Variants in PRKCZ observed in about 807,000 individuals in gnomAD.
PRKCZ encodes protein kinase C zeta type.
PRKCZ carries 33 observed loss-of-function variants against 79.5 expected under a neutral mutation model. The ratio of observed to expected loss-of-function variants is 0.41; its 90% CI spans 0.31 to 0.55. PRKCZ has a LOEUF of 0.55. PRKCZ is among the 20% of genes least tolerant of loss of function. The probability of loss-of-function intolerance (pLI) is 0.19; values close to 1 mark genes in which losing one functional copy is unlikely to be tolerated. For missense variants in PRKCZ, 578 were observed against 813.5 expected (o/e 0.71, Z 3.52); for synonymous variants, 342 against 320.9 (o/e 1.07, Z -0.70).
At chr1:2,057,478 A>G (rs1316308778) in intron 3 of PRKCZ, among the ~76,000 whole-genome samples, 2 of 152,214 alleles carry the variant, frequency 1.3e-5, no homozygotes, top group African/African-American at 4.8e-5. Context: ...GAAACCACCC[A>G]TGGATTTCTG....
At position 2,127,498 on chromosome 1, in the gene PRKCZ, G is replaced by A. The variant is rs969666530; in HGVS notation, c.335-7764G>A. On this transcript the variant is annotated intron_variant, in intron 4 of 17. Transcript: ENST00000378567. This position sits in a 1 kb window ranked among gnomAD's most constrained non-coding sequence, Gnocchi z 5.1. ...CCTGGCTGGGCCCGTCCCGCCCCACGTCCCGCCTCCCACTGCCCTCAGCCT... is the reference window on the plus strand; with the variant it reads ...CCTGGCTGGGCCCGTCCCGCCCCACATCCCGCCTCCCACTGCCCTCAGCCT... 6.7e-6 allele frequency among the ~76,000 whole-genome samples: 1 copy of A among 149,258 alleles called. No individual in the cohort carries two copies. The highest frequency in any genetic ancestry group is 2.5e-5 in the African/African-American group (1 of 40,752).
At chr1:2,079,876 G>T (rs1663159495) in intron 4 of PRKCZ, among the ~76,000 whole-genome samples, 1 of 152,188 alleles carries the variant, frequency 6.6e-6, no homozygotes, top group African/African-American at 2.4e-5. Context: ...GTCCCCAGGG[G>T]AGTGTCCTGC....
At chr1:2,150,767 G>A (rs1467080394) in intron 8 of PRKCZ, 23 bp from the exon 9 acceptor site, 1 of 1,602,280 alleles carries the variant, frequency 6.2e-7, no homozygotes. Context: ...CTCACTTTCT[G>A]GGGTCTTGTT....
chr1:2,161,230 C>T (rs146671057), intron 10 of PRKCZ, among the ~76,000 whole-genome samples: 11 of 152,358 alleles, frequency 7.2e-5, no homozygotes, highest in African/African-American at 2.2e-4. Context: ...GCTCACTTTT[C>T]ATCGGGGTTG....
intron 4 of PRKCZ, among the ~76,000 whole-genome samples, chr1:2,098,916 C>G (rs902357873): frequency 6.6e-6 from 1 of 152,156 alleles, no homozygotes; most frequent in African/African-American, 2.4e-5. Context: ...TTCCTGACCT[C>G]GTGATCCACC....
At chr1:2,121,240 T>G (rs1671821305) in intron 4 of PRKCZ, among the ~76,000 whole-genome samples, 1 of 152,216 alleles carries the variant, frequency 6.6e-6, no homozygotes, top group Admixed American at 6.5e-5. Flanking sequence ...CAGTCTTGTC[T>G]GAACAAGGCA....
chr1:2,122,742 C>T (rs1277020721), intron 4 of PRKCZ, among the ~76,000 whole-genome samples: 1 of 5,790 alleles, frequency 1.7e-4, no homozygotes, highest in Non-Finnish European at 2.4e-4. Context: ...TGGTTAGGGT[C>T]GTGGCGGTGG....
chr1:2,147,245 G>A (rs1036827902), intron 7 of PRKCZ, among the ~76,000 whole-genome samples: 41 of 140,350 alleles, frequency 2.9e-4, no homozygotes, highest in African/African-American at 1.0e-3. Context: ...GTCCACTGAC[G>A]TCTCCATCTA....
At chr1:2,139,218 A>G (rs1037782846) in intron 5 of PRKCZ, among the ~76,000 whole-genome samples, 2 of 152,210 alleles carry the variant, frequency 1.3e-5, no homozygotes, top group Non-Finnish European at 2.9e-5. Context: ...AATTGTTTAG[A>G]GATGAGGACA....
At chr1:2,150,311 GTATTTCTAATAAT>G (rs1679626055) in intron 8 of PRKCZ, among the ~76,000 whole-genome samples, 1 of 152,216 alleles carries the variant, frequency 6.6e-6, no homozygotes, top group Non-Finnish European at 1.5e-5. Context: ...TTTCTCCTGG[GTATTTCTAATAAT>G]TATTTCTAAT....
At chr1:2,057,938 G>C (rs1356974169) in intron 3 of PRKCZ, among the ~76,000 whole-genome samples, 1 of 151,846 alleles carries the variant, frequency 6.6e-6, no homozygotes, top group Non-Finnish European at 1.5e-5. Flanking sequence ...CGCGATCTCA[G>C]CTCAATGCAA....
Position 2,050,504 on chromosome 1 carries a change from C to T in PRKCZ, c.-127C>T, listed in dbSNP as rs1271984639. 3.5e-5 allele frequency: 17 copies of T among 479,354 alleles called. No individual in the cohort carries two copies. Among genetic ancestry groups the T allele is most frequent in the Non-Finnish European group, 4.9e-5 (16 of 325,146 alleles). The allele number at this position is 479,354 out of a possible 1,614,324, so 29.7% of individuals were successfully genotyped here. ...GCCGCCGGAGTTCCGCGGAGTTGAC[C>T]GGGTCGGCGCCGTCGGTCCTGAGCG... On this transcript the variant is annotated 5_prime_UTR_variant, in exon 1 of 18. Coordinates refer to ENST00000378567, the MANE Select transcript of PRKCZ (RefSeq NM_002744.6).
chr1:2,128,729 G>A lies in PRKCZ; in HGVS notation c.335-6533G>A, dbSNP rs372005084. ...CAGCTCTGACTCCAAAGCCTGACCC[G>A]TGTGGCTGCACCGTCCACTGTGCGC... is the stretch of plus-strand genomic sequence containing the variant. On this transcript the variant is annotated intron_variant, in intron 4 of 17. Coordinates refer to ENST00000378567, the MANE Select transcript of PRKCZ (RefSeq NM_002744.6). The surrounding 1 kb of genome is among the most constrained non-coding windows in gnomAD (Gnocchi z 6.5). Among the ~76,000 whole-genome samples, 11 of 152,160 alleles carry A rather than the reference G, an allele frequency of 7.2e-5. 1 individual carries two copies. In the East Asian group the frequency reaches 1.2e-3, roughly 16 times the overall value.
At chr1:2,140,674 A>G (rs1225790949) in intron 5 of PRKCZ, among the ~76,000 whole-genome samples, 4 of 151,472 alleles carry the variant, frequency 2.6e-5, no homozygotes, top group Non-Finnish European at 4.4e-5. Flanking sequence ...AAGAAAGAAA[A>G]TGTGAGCAGG....
At chr1:2,065,556 G>A (rs59090407) in intron 4 of PRKCZ, among the ~76,000 whole-genome samples, 6,418 of 152,124 alleles carry the variant, frequency 0.042, 489 homozygotes, top group East Asian at 0.34. Flanking sequence ...GCAGGCGCCT[G>A]TAGTCCCAGC....
intron 1 of PRKCZ, among the ~76,000 whole-genome samples, chr1:2,054,064 G>A (rs140500819): frequency 1.1e-3 from 170 of 152,292 alleles, no homozygotes; most frequent in African/African-American, 3.9e-3. Flanking sequence ...TCAGGGCCGC[G>A]GCTGTGGACC....
At chr1:2,100,977 T>C (rs1246278656) in intron 4 of PRKCZ, among the ~76,000 whole-genome samples, 1 of 150,900 alleles carries the variant, frequency 6.6e-6, no homozygotes, top group African/African-American at 2.5e-5. Flanking sequence ...TGTGTCTGAC[T>C]TTCTCTATCA....
intron 4 of PRKCZ, chr1:2,071,582 C>T (rs76645434): frequency 0.022 from 4,127 of 185,196 alleles, 169 homozygotes; most frequent in African/African-American, 0.093. Context: ...AGCTAGTTTT[C>T]CCCCTAAAAT....
At chr1:2,166,430 C>T (rs1321541892) in intron 10 of PRKCZ, among the ~76,000 whole-genome samples, 2 of 152,060 alleles carry the variant, frequency 1.3e-5, no homozygotes, top group Non-Finnish European at 2.9e-5. Context: ...GAAAAACAGC[C>T]CCGAGGGCAC....
Sources: gnomAD v4.1 joint callset for allele counts (sites outside exome capture counted in the v4.1 genomes callset) on GRCh38, gnomAD v4.1.1 for gene constraint, Gnocchi (gnomAD v3.1) non-coding constraint, MANE v1.5 for transcripts, NCBI Gene and HGNC (gene_info 2026-07-23, HGNC 2026-07-21) for gene names.